Variants in RIMS1 observed in about 807,000 individuals in gnomAD.
RIMS1 encodes the protein regulating synaptic membrane exocytosis 1.
A neutral mutation model predicts 214.1 loss-of-function variants in RIMS1; 83 were observed. That is an observed-to-expected ratio of 0.39 (90% CI 0.32 to 0.47). The LOEUF is 0.47. Among genes scored for constraint, RIMS1 ranks in the 20% least tolerant of loss-of-function variants. RIMS1 has a pLI of 0.99. For synonymous variants in RIMS1, 793 were observed against 786.8 expected (o/e 1.01, Z -0.13); for missense variants, 2,050 against 2,161.8 (o/e 0.95, Z 1.03).
chr6:72,308,494 T>C (rs1162964236), intron 27 of RIMS1, among the ~76,000 whole-genome samples: 1 of 152,160 alleles, frequency 6.6e-6, no homozygotes, highest in Admixed American at 6.6e-5. Flanking sequence ...TATTATTAGC[T>C]TGAAATATGG....
chr6:72,315,756 G>T (rs1417996460), intron 28 of RIMS1, among the ~76,000 whole-genome samples: 2 of 151,964 alleles, frequency 1.3e-5, no homozygotes, highest in African/African-American at 4.8e-5. Context: ...CGTCAATCCT[G>T]TGGTAAAAAC....
chr6:72,326,808 G>GCT (rs2096488156), intron 28 of RIMS1, among the ~76,000 whole-genome samples: 3 of 151,730 alleles, frequency 2.0e-5, no homozygotes, highest in Admixed American at 6.6e-5. Context: ...AAAGTAGGGA[G>GCT]CTTGTACAAG....
rs539145561 is a variant in RIMS1 at position 72,175,411 on chromosome 6, G to C, written c.472-4164G>C. On this transcript the variant is annotated intron_variant, in intron 4 of 33. Transcript: ENST00000521978. Reference sequence around the variant, plus strand: ...TTCTGAGTTGGGTGCAGTGGCTCACGCCTGTTATCCCAGCACTTTGGGAGG... The same window carrying C: ...TTCTGAGTTGGGTGCAGTGGCTCACCCCTGTTATCCCAGCACTTTGGGAGG... The C allele has an allele frequency of 3.0e-3, 1,197 of 397,630 alleles. 29 individuals carry two copies. The highest frequency in any genetic ancestry group is 0.022 in the South Asian group (1,162 of 53,734). 24.6% of individuals were successfully genotyped at this position (397,630 alleles called of 1,614,324 possible).
chr6:71,967,826 A>AGT (rs1425275702), intron 1 of RIMS1, among the ~76,000 whole-genome samples: 3 of 152,146 alleles, frequency 2.0e-5, no homozygotes, highest in African/African-American at 4.8e-5. Flanking sequence ...TGGAATGAGC[A>AGT]GTGTGTGTGT....
At chr6:72,353,624 T>C (rs1310779089) in intron 29 of RIMS1, among the ~76,000 whole-genome samples, 2 of 152,146 alleles carry the variant, frequency 1.3e-5, no homozygotes, top group Admixed American at 1.3e-4. Flanking sequence ...CTGTTAGTCA[T>C]GGGGGGATTG....
intron 29 of RIMS1, among the ~76,000 whole-genome samples, chr6:72,386,410 G>A (rs1203060566): frequency 6.6e-6 from 1 of 152,140 alleles, no homozygotes; most frequent in South Asian, 2.1e-4. Context: ...GAGCCTCTGG[G>A]TTGGAGTCAA....
At chr6:72,190,397 A>T (rs1367379094) in intron 6 of RIMS1, among the ~76,000 whole-genome samples, 1 of 147,516 alleles carries the variant, frequency 6.8e-6, no homozygotes, top group Non-Finnish European at 1.5e-5. Context: ...CGGGAGGCAG[A>T]GGTTGCCGTG....
intron 2 of RIMS1, among the ~76,000 whole-genome samples, chr6:72,013,531 T>C (rs552960618): frequency 3.3e-5 from 5 of 152,262 alleles, no homozygotes; most frequent in South Asian, 2.1e-4. Context: ...TATACTGTGA[T>C]TGTTGTGTGA....
Position 72,080,074 on chromosome 6 carries a change from T to TAAAAAAAA in RIMS1, c.246-16850_246-16843dup, listed in dbSNP as rs770845471. Among the ~76,000 whole-genome samples the TAAAAAAAA allele has an allele frequency of 3.1e-3, 69 of 22,402 alleles. 2 individuals carry two copies. Among genetic ancestry groups the TAAAAAAAA allele is most frequent in the African/African-American group, 4.2e-3 (30 of 7,218 alleles). 14.7% of individuals were successfully genotyped at this position (22,402 alleles called of 152,430 possible). A position where few individuals can be genotyped will look rare whatever the true frequency, so the allele number is the denominator to read the frequency against. On this transcript the variant is annotated intron_variant, in intron 2 of 33. Transcript: ENST00000521978. ...CAACGTGGTGAAACCGTGTCTCTAC[T>TAAAAAAAA]AAAAAAAAAAAAAAAAAAAAAAAAA...
At chr6:71,959,639 C>G (rs1474684178) in intron 1 of RIMS1, among the ~76,000 whole-genome samples, 1 of 151,424 alleles carries the variant, frequency 6.6e-6, no homozygotes, top group Non-Finnish European at 1.5e-5. Context: ...CAACCATTAT[C>G]TGATAACTAT....
At chr6:71,975,924 C>T (rs1373071228) in intron 2 of RIMS1, among the ~76,000 whole-genome samples, 1 of 151,970 alleles carries the variant, frequency 6.6e-6, no homozygotes, top group Non-Finnish European at 1.5e-5. Flanking sequence ...GTGATTGTAT[C>T]GACATATCAG....
chr6:72,335,396 A>G (rs2096806369), intron 29 of RIMS1, among the ~76,000 whole-genome samples: 1 of 152,018 alleles, frequency 6.6e-6, no homozygotes, highest in Non-Finnish European at 1.5e-5. Flanking sequence ...ATGTCCCTGC[A>G]AAGGGCTTCA....
At chr6:71,966,772 C>CTCAG (rs1247345343) in intron 1 of RIMS1, among the ~76,000 whole-genome samples, 1 of 152,164 alleles carries the variant, frequency 6.6e-6, no homozygotes, top group Non-Finnish European at 1.5e-5. Flanking sequence ...ATCCACTGGC[C>CTCAG]TCAGCCTTCC....
At chr6:72,113,316 C>T (rs1039204626) in intron 4 of RIMS1, among the ~76,000 whole-genome samples, 4 of 152,088 alleles carry the variant, frequency 2.6e-5, no homozygotes, top group African/African-American at 4.8e-5. Context: ...TGTATGACTT[C>T]CAAAATTTTC....
intron 29 of RIMS1, among the ~76,000 whole-genome samples, chr6:72,334,259 C>A (rs1311709591): frequency 1.3e-5 from 2 of 151,798 alleles, no homozygotes; most frequent in African/African-American, 4.8e-5. Context: ...ATATACTCTT[C>A]AAGGTACTGT....
At position 72,182,930 on chromosome 6, in the gene RIMS1, G is replaced by A. The variant is rs200422266; in HGVS notation, c.1459G>A (p.Ala487Thr). The change falls in exon 6 of 34, where the codon GCC becomes ACC. Residue 487 changes from alanine to threonine, a missense_variant. Ala to Thr is a moderately conservative substitution (Grantham distance 58). This residue lies in a region of RIMS1 where 882 missense variants were observed against 828.9 expected (regional missense o/e 1.06). Coordinates refer to ENST00000521978, the MANE Select transcript of RIMS1 (RefSeq NM_014989.7). ...DPSSAVLMRK[A>T]KREKVETMLR... ...CAGCTCGGCGGTCCTCATGCGGAAGGCCAAGCGCGAGAAGGTGGAGACCAT... is the reference window on the plus strand; with the variant it reads ...CAGCTCGGCGGTCCTCATGCGGAAGACCAAGCGCGAGAAGGTGGAGACCAT... 5,354 of 1,585,546 alleles carry A rather than the reference G, an allele frequency of 3.4e-3. 20 individuals are homozygous for A. The highest frequency in any genetic ancestry group is 3.5e-3 in the Non-Finnish European group (4,060 of 1,167,302).
chr6:72,130,432 G>A (rs562413266), intron 4 of RIMS1, among the ~76,000 whole-genome samples: 37 of 152,126 alleles, frequency 2.4e-4, no homozygotes, highest in East Asian at 1.4e-3. Flanking sequence ...GCCATTAAGC[G>A]TAAATTGTGT....
intron 2 of RIMS1, among the ~76,000 whole-genome samples, chr6:72,078,308 G>A (rs776752226): frequency 1.3e-5 from 2 of 152,104 alleles, no homozygotes; most frequent in African/African-American, 2.4e-5. Flanking sequence ...GAGACATACT[G>A]TACACACCAG....
chr6:72,316,186 G>C (rs1467954571), intron 28 of RIMS1, among the ~76,000 whole-genome samples: 1 of 152,052 alleles, frequency 6.6e-6, no homozygotes, highest in Admixed American at 6.6e-5. Context: ...CCCAAAAAAG[G>C]TGCTACCTCC....
Sources: gnomAD v4.1 joint callset for allele counts (sites outside exome capture counted in the v4.1 genomes callset) on GRCh38, gnomAD v4.1.1 for gene constraint, gnomAD v4.1.1 regional missense constraint, MANE v1.5 for transcripts, NCBI Gene and HGNC (gene_info 2026-07-23, HGNC 2026-07-21) for gene names.